Variants in CMAS observed in about 807,000 individuals in gnomAD.
CMAS encodes the protein cytidine monophosphate N-acetylneuraminic acid synthetase.
CMAS carries 21 observed loss-of-function variants against 53.4 expected under a neutral mutation model. The observed-to-expected ratio is 0.39, with a 90% confidence interval of 0.28 to 0.57. CMAS has a LOEUF of 0.57. Among genes scored for constraint, CMAS ranks in the 20% least tolerant of loss-of-function variants. CMAS has a pLI of 0.56. For synonymous variants in CMAS, 189 were observed against 195.2 expected, an observed-to-expected ratio of 0.97 and a Z score of 0.27; for missense variants, 384 against 534.9, an observed-to-expected ratio of 0.72 and a Z score of 2.78.
At chr12:22,048,708 G>A (rs1950221830) in intron 1 of CMAS, among the ~76,000 whole-genome samples, 1 of 152,194 alleles carries the variant, frequency 6.6e-6, no homozygotes, top group South Asian at 2.1e-4. Flanking sequence ...CTGTCTCAGT[G>A]AAATGCGAAC....
At chr12:22,051,005 G>C (rs939647135) in intron 1 of CMAS, among the ~76,000 whole-genome samples, 1 of 152,090 alleles carries the variant, frequency 6.6e-6, no homozygotes, top group Non-Finnish European at 1.5e-5. Flanking sequence ...GTTTACCTTA[G>C]GAGAGAGCTG....
At chr12:22,063,713 C>T (rs1018015164) in intron 7 of CMAS, 2 of 137,146 alleles carry the variant, frequency 1.5e-5, no homozygotes, top group Admixed American at 7.1e-5. Flanking sequence ...ATACGTATTA[C>T]TTATATGACA....
intron 1 of CMAS, among the ~76,000 whole-genome samples, chr12:22,051,389 T>G (rs1950238815): frequency 6.6e-6 from 1 of 152,224 alleles, no homozygotes; most frequent in Admixed American, 6.5e-5. Flanking sequence ...TATAGACTTT[T>G]GATTAATGAA....
chr12:22,055,704 G>A, intron 3 of CMAS, 94 bp downstream of exon 3: 3 of 1,044,468 alleles, frequency 2.9e-6, no homozygotes, highest in Non-Finnish European at 4.2e-6. Flanking sequence ...AGTAAAAGGG[G>A]AGCTGTAAAA....
chr12:22,047,627 C>A (rs1377397264), intron 1 of CMAS, among the ~76,000 whole-genome samples: 1 of 152,012 alleles, frequency 6.6e-6, no homozygotes, highest in East Asian at 1.9e-4. Flanking sequence ...CCTGGATGGA[C>A]CAAGGCAAAT....
In CMAS at chr12:22,046,480, C is replaced by T. The variant is rs1950206301; in HGVS notation, c.177C>T (p.Pro59=). The T allele has an allele frequency of 1.2e-6, 2 of 1,609,950 alleles. No individual in the cohort carries two copies. The highest frequency in any genetic ancestry group is 1.1e-5 in the South Asian group (1 of 90,052). Residue 59 remains proline, a synonymous_variant, in exon 1 of 8, where the codon CCC becomes CCT. Transcript: ENST00000229329. ...CCCGGGGAGGCAGCAAAGGCATCCCCCTGAAGAACATTAAGCACCTGGCGG... is the reference window on the plus strand; with the variant it reads ...CCCGGGGAGGCAGCAAAGGCATCCCTCTGAAGAACATTAAGCACCTGGCGG... ...ILARGGSKGI[P]LKNIKHLAGV... is the part of the protein sequence containing the mutation.
Position 22,046,577 on chromosome 12 carries a change from A to T in CMAS, c.260+14A>T. On this transcript the variant is annotated intron_variant, in intron 1 of 7. Transcript: ENST00000229329. ...GGCCTTCCAGAGGTGCGCATGTGCG[A>T]GAGTGGGCGGCGCGGCCTGGGCGGG... 2 of 1,527,130 alleles carry T rather than the reference A, an allele frequency of 1.3e-6. No homozygotes were observed. The highest frequency in any genetic ancestry group is 1.8e-6 in the Non-Finnish European group (2 of 1,136,716). 94.6% of individuals were successfully genotyped at this position (1,527,130 alleles called of 1,614,324 possible). A position where few individuals can be genotyped will look rare whatever the true frequency, so the allele number is the denominator to read the frequency against.
chr12:22,065,149 G>A lies in CMAS; in HGVS notation c.1143G>A (p.Leu381=). Residue 381 remains leucine, a synonymous_variant, in exon 8 of 8, where the codon TTG becomes TTA. Coordinates refer to ENST00000229329, the MANE Select transcript of CMAS (RefSeq NM_018686.6). ...LGNEVSDEEC[L]KRVGLSGAPA... ...ATGAAGTGTCTGATGAAGAGTGCTT[G>A]AAGAGAGTGGGCCTAAGTGGCGCTC... The A allele has an allele frequency of 6.2e-7, 1 of 1,613,566 alleles. No individual in the cohort carries two copies. Among genetic ancestry groups the A allele is most frequent in the Non-Finnish European group, 8.5e-7 (1 of 1,179,606 alleles).
chr12:22,050,218 C>T (rs1453879348), intron 1 of CMAS, among the ~76,000 whole-genome samples: 2 of 152,208 alleles, frequency 1.3e-5, no homozygotes, highest in East Asian at 3.9e-4. Context: ...ACTCTGAAAT[C>T]AAACTGTGGA....
intron 3 of CMAS, among the ~76,000 whole-genome samples, chr12:22,057,850 G>T (rs1407968642): frequency 6.8e-6 from 1 of 147,894 alleles, no homozygotes; most frequent in African/African-American, 2.5e-5. Context: ...TTGAGACAGA[G>T]TCTCACTCTG....
intron 1 of CMAS, among the ~76,000 whole-genome samples, chr12:22,052,760 G>A (rs746701916): frequency 1.3e-4 from 20 of 152,060 alleles, no homozygotes; most frequent in South Asian, 4.1e-4. Flanking sequence ...GGGCTCCTGC[G>A]TTCGCCCTGC....
chr12:22,064,453 GACCATATGTTA>G lies in CMAS; in HGVS notation c.1115-664_1115-654del, dbSNP rs543435822. Reference sequence around the variant, plus strand: ...AGAGATTATATATATATAAACAAAAGACCATATGTTAACCTTATTTCATTCCTGATTCAAAT... The same window carrying G: ...AGAGATTATATATATATAAACAAAAGACCTTATTTCATTCCTGATTCAAAT... On this transcript the variant is annotated intron_variant, in intron 7 of 7. Coordinates refer to ENST00000229329, the MANE Select transcript of CMAS (RefSeq NM_018686.6). Among the ~76,000 whole-genome samples the G allele has an allele frequency of 3.7e-4, 56 of 152,086 alleles. 1 individual carries two copies. Among genetic ancestry groups the G allele is most frequent in the African/African-American group, 1.3e-3 (55 of 41,506 alleles).
At chr12:22,050,001 T>G (rs1950230904) in intron 1 of CMAS, among the ~76,000 whole-genome samples, 1 of 152,230 alleles carries the variant, frequency 6.6e-6, no homozygotes, top group African/African-American at 2.4e-5. Flanking sequence ...CTGTTCAAGT[T>G]TTGTGGCTAT....
chr12:22,050,015 C>T (rs1334318738), intron 1 of CMAS, among the ~76,000 whole-genome samples: 1 of 152,162 alleles, frequency 6.6e-6, no homozygotes, highest in Non-Finnish European at 1.5e-5. Context: ...TGGCTATGTG[C>T]TATTTGTCAT....
At chr12:22,062,030 C>T (rs1368315776) in intron 6 of CMAS, among the ~76,000 whole-genome samples, 1 of 152,008 alleles carries the variant, frequency 6.6e-6, no homozygotes, top group Admixed American at 6.5e-5. Context: ...AGATAGAATC[C>T]TTTCTATTGT....
In CMAS at chr12:22,062,352, A is replaced by G; in HGVS notation, c.1032A>G (p.Glu344=). 1.9e-6 allele frequency: 3 copies of G among 1,613,498 alleles called. No individual in the cohort carries two copies. Among genetic ancestry groups the G allele is most frequent in the South Asian group, 1.1e-5 (1 of 91,052 alleles). The change falls in exon 7 of 8, where the codon GAA becomes GAG. Residue 344 remains glutamate (E), a synonymous_variant. Transcript: ENST00000229329. ...CTTTAAAACTGGATTGCAAAATGGA[A>G]GTCAGTGTATCAGACAAGCTAGCAG... is the stretch of plus-strand genomic sequence containing the variant. The part of the protein sequence containing the change: ...LSSLKLDCKM[E]VSVSDKLAVV...
At chr12:22,049,218 A>G (rs1950224922) in intron 1 of CMAS, among the ~76,000 whole-genome samples, 1 of 152,150 alleles carries the variant, frequency 6.6e-6, no homozygotes, top group Non-Finnish European at 1.5e-5. Flanking sequence ...TTGTATTGCT[A>G]CAGTATAGCT....
chr12:22,063,067 T>TA (rs1950319329), intron 7 of CMAS, among the ~76,000 whole-genome samples: 1 of 152,208 alleles, frequency 6.6e-6, no homozygotes, highest in South Asian at 2.1e-4. Context: ...GCAATACACT[T>TA]ACTTACCAGG....
At chr12:22,058,907 G>C (rs1464740067) in intron 4 of CMAS, among the ~76,000 whole-genome samples, 1 of 152,046 alleles carries the variant, frequency 6.6e-6, no homozygotes, top group African/African-American at 2.4e-5. Flanking sequence ...CAGTAAATAT[G>C]CAAGGAATTC....
Sources: gnomAD v4.1 joint callset for allele counts (sites outside exome capture counted in the v4.1 genomes callset) on GRCh38, gnomAD v4.1.1 for gene constraint, MANE v1.5 for transcripts, NCBI Gene and HGNC (gene_info 2026-07-23, HGNC 2026-07-21) for gene names.